KMT2C: variants seen among roughly 807,000 people sequenced by gnomAD.
KMT2C encodes the protein lysine methyltransferase 2C, also known as histone-lysine N-methyltransferase 2C.
KMT2C carries 88 observed loss-of-function variants against 507.9 expected under a neutral mutation model. The ratio of observed to expected loss-of-function variants is 0.17; its 90% CI spans 0.15 to 0.21. The LOEUF is 0.21. KMT2C is among the 10% of genes least tolerant of loss of function. The pLI is 1.00. For synonymous variants in KMT2C, 2,049 were observed against 2,080.8 expected (o/e 0.98, Z 0.42); for missense variants, 4,954 against 5,957.8 (o/e 0.83, Z 5.55).
chr7:152,391,730 T>C (rs2097500582), intron 1 of KMT2C, among the ~76,000 whole-genome samples: 1 of 151,862 alleles, frequency 6.6e-6, no homozygotes, highest in Admixed American at 6.6e-5. Flanking sequence ...AGATACGGGG[T>C]TTCACTATAT....
At chr7:152,389,055 T>G (rs1461019726) in intron 1 of KMT2C, among the ~76,000 whole-genome samples, 2 of 151,716 alleles carry the variant, frequency 1.3e-5, no homozygotes, top group Non-Finnish European at 2.9e-5. Context: ...ACCAACTTTT[T>G]GTATTTTTAG....
chr7:152,173,673 A>G (rs2093063847), intron 39 of KMT2C, among the ~76,000 whole-genome samples: 1 of 152,148 alleles, frequency 6.6e-6, no homozygotes, highest in Non-Finnish European at 1.5e-5. Flanking sequence ...CCAACTTCCA[A>G]CTGTCCTCTT....
At chr7:152,284,147 A>G (rs2129182871) in intron 6 of KMT2C, among the ~76,000 whole-genome samples, 1 of 152,312 alleles carries the variant, frequency 6.6e-6, no homozygotes, top group South Asian at 2.1e-4. Flanking sequence ...AGCTACAGGT[A>G]TAAAACTGTT....
At chr7:152,389,470 A>C (rs1399427814) in intron 1 of KMT2C, among the ~76,000 whole-genome samples, 1 of 151,848 alleles carries the variant, frequency 6.6e-6, no homozygotes, top group Non-Finnish European at 1.5e-5. Context: ...AAATTTTCTA[A>C]TTATTTACTT....
At chr7:152,151,894 A>AG (rs1232433267) in intron 49 of KMT2C, among the ~76,000 whole-genome samples, 1 of 152,240 alleles carries the variant, frequency 6.6e-6, no homozygotes. Flanking sequence ...AGAGGGAAAC[A>AG]GATATTACTT....
chr7:152,384,175 C>A (rs2097400091), intron 1 of KMT2C, among the ~76,000 whole-genome samples: 1 of 152,038 alleles, frequency 6.6e-6, no homozygotes, highest in Non-Finnish European at 1.5e-5. Flanking sequence ...CTCAGTGCTG[C>A]CCCAAGAGTT....
intron 23 of KMT2C, among the ~76,000 whole-genome samples, chr7:152,213,350 AC>A (rs1167731287): frequency 1.3e-5 from 2 of 152,216 alleles, no homozygotes; most frequent in Non-Finnish European, 2.9e-5. Context: ...ACAGTATGGT[AC>A]TGGCATAAAA....
At chr7:152,347,343 A>AGTGGCACTTCATATGGGTCCC (rs1421860724) in intron 2 of KMT2C, among the ~76,000 whole-genome samples, 1 of 152,194 alleles carries the variant, frequency 6.6e-6, no homozygotes, top group Non-Finnish European at 1.5e-5. Context: ...AAGCATCATT[A>AGTGGCACTTCATATGGGTCCC]GTGGCACTTC....
rs913372121 is a variant in KMT2C, at chr7:152,307,311, C to T, written c.849+2655G>A. On this transcript the variant is annotated intron_variant, in intron 6 of 58. Coordinates refer to ENST00000262189, the MANE Select transcript of KMT2C (RefSeq NM_170606.3). ...GAAGGAAGGAAGGAAGGAAGGAAGACGAAGGACAGAAGAGGAAGGAAAGAG... is the reference window on the plus strand; with the variant it reads ...GAAGGAAGGAAGGAAGGAAGGAAGATGAAGGACAGAAGAGGAAGGAAAGAG... Among the ~76,000 whole-genome samples the T allele has an allele frequency of 1.6e-4, 14 of 90,258 alleles. 1 individual carries two copies. Among genetic ancestry groups the T allele is most frequent in the East Asian group, 1.4e-3 (4 of 2,786 alleles). The allele number at this position is 90,258 out of a possible 152,430, so 59.2% of individuals were successfully genotyped here.
chr7:152,266,218 C>T (rs1373648605), intron 7 of KMT2C, among the ~76,000 whole-genome samples: 1 of 151,632 alleles, frequency 6.6e-6, no homozygotes, highest in Non-Finnish European at 1.5e-5. Context: ...CTGTATTTAA[C>T]AAGTATCACA....
chr7:152,295,114 C>G (rs2096477740), intron 6 of KMT2C, among the ~76,000 whole-genome samples: 1 of 151,670 alleles, frequency 6.6e-6, no homozygotes, highest in Non-Finnish European at 1.5e-5. Context: ...GAATCAAATA[C>G]TATGCATTCT....
rs2093430435 is a variant in KMT2C at position 152,181,406 on chromosome 7, C to T, written c.6454G>A (p.Ala2152Thr). ...GAGTAAGGGTCTGTATTGGACCTAG[C>T]TGTTCCTGAAGATTGGGAATAAGAA... is the stretch of plus-strand genomic sequence containing the variant. ...VDSYSQSSGT[A>T]RSNTDPYSQP... Residue 2152 changes from alanine to threonine, a missense_variant, in exon 36 of 59, where the codon GCT (alanine) becomes ACT (threonine). This residue lies in a region of KMT2C where 1,689 missense variants were observed against 1,654.3 expected (regional missense o/e 1.02). Coordinates refer to ENST00000262189, the MANE Select transcript of KMT2C (RefSeq NM_170606.3). 6.2e-7 allele frequency: 1 copy of T among 1,613,924 alleles called. No homozygotes were observed. Among genetic ancestry groups the T allele is most frequent in the Non-Finnish European group, 8.5e-7 (1 of 1,180,002 alleles).
intron 1 of KMT2C, among the ~76,000 whole-genome samples, chr7:152,370,009 C>G (rs562128143): frequency 6.6e-6 from 1 of 151,974 alleles, no homozygotes; most frequent in Non-Finnish European, 1.5e-5. Context: ...CTGGCTAACA[C>G]GGTGAAACCC....
At chr7:152,417,487 T>C (rs1033805718) in intron 1 of KMT2C, among the ~76,000 whole-genome samples, 4 of 152,196 alleles carry the variant, frequency 2.6e-5, no homozygotes, top group African/African-American at 4.8e-5. Context: ...GATGTTATTA[T>C]CATCCCTATT....
chr7:152,230,366 TTGTTTTACACTTAACTGGA>T, intron 16 of KMT2C, 45 bp from the exon 17 acceptor site: 3 of 861,294 alleles, frequency 3.5e-6, no homozygotes, highest in Middle Eastern at 3.5e-4. Context: ...TATTTTTCAC[TTGTTTTACACTTAACTGGA>T]AAGCTTCAGA....
At chr7:152,209,851 T>G (rs1005098843) in intron 23 of KMT2C, among the ~76,000 whole-genome samples, 2 of 151,408 alleles carry the variant, frequency 1.3e-5, no homozygotes, top group Non-Finnish European at 2.9e-5. Flanking sequence ...TTTATAACAC[T>G]CCTCAGAAGG....
intron 9 of KMT2C, among the ~76,000 whole-genome samples, chr7:152,259,328 T>C (rs1248151427): frequency 1.3e-5 from 2 of 152,070 alleles, no homozygotes; most frequent in East Asian, 3.9e-4. Context: ...TTTAAGAATA[T>C]TCCTACTATT....
At chr7:152,207,590 T>TGTAGAAATTGTGCTGCTTAGTGCA (rs1391906706) in intron 23 of KMT2C, among the ~76,000 whole-genome samples, 162 bp from the exon 24 acceptor site, 3 of 152,158 alleles carry the variant, frequency 2.0e-5, no homozygotes, top group Non-Finnish European at 4.4e-5. Context: ...CCCAAATGGT[T>TGTAGAAATTGTGCTGCTTAGTGCA]GTAGAAATTG....
chr7:152,178,015 T>TTAA lies in KMT2C; in HGVS notation c.7443-6_7443-5insTTA, dbSNP rs1491309235. On this transcript the variant is annotated splice_polypyrimidine_tract_variant and splice_region_variant and intron_variant, in intron 37 of 58. Coordinates refer to ENST00000262189, the MANE Select transcript of KMT2C (RefSeq NM_170606.3). ...CTACCTCCTGGAAATCCAAATCTTT[T>TTAA]AAAAAAAAAAAAAAAAAAAAAAAAA... The TTAA allele has an allele frequency of 2.1e-3, 1,707 of 810,862 alleles. 134 individuals are homozygous for TTAA. In the African/African-American group the frequency reaches 0.046, roughly 22 times the overall value. The allele number at this position is 810,862 out of a possible 1,614,324, so 50.2% of individuals were successfully genotyped here. A position where few individuals can be genotyped will look rare whatever the true frequency, so the allele number is the denominator to read the frequency against.
Sources: gnomAD v4.1 joint callset for allele counts (sites outside exome capture counted in the v4.1 genomes callset) on GRCh38, gnomAD v4.1.1 for gene constraint, gnomAD v4.1.1 regional missense constraint, MANE v1.5 for transcripts, NCBI Gene and HGNC (gene_info 2026-07-23, HGNC 2026-07-21) for gene names.